Variants in SLC18A1 observed in about 807,000 individuals in gnomAD.
SLC18A1 encodes chromaffin granule amine transporter.
Under a neutral mutation model 53.7 loss-of-function variants are expected in SLC18A1, and 69 were observed. The ratio of observed to expected loss-of-function variants is 1.28; its 90% confidence interval spans 1.06 to 1.57. SLC18A1 has a LOEUF of 1.57. Among genes scored for constraint, SLC18A1 ranks in the 40% most tolerant of loss-of-function variants. The probability of loss-of-function intolerance (pLI) is 0.00; values close to 1 mark genes in which losing one functional copy is unlikely to be tolerated. For missense variants in SLC18A1, 932 were observed against 668.1 expected (o/e 1.40, Z -4.35); for synonymous variants, 320 against 248.1 (o/e 1.29, Z -2.72).
intron 10 of SLC18A1, among the ~76,000 whole-genome samples, chr8:20,155,555 A>T (rs576171280): frequency 1.3e-5 from 2 of 152,312 alleles, no homozygotes; most frequent in Non-Finnish European, 2.9e-5. Context: ...ATCATGATGC[A>T]ACCAGAAGTC....
At position 20,164,929 on chromosome 8, in the gene SLC18A1, G is replaced by A. The variant is rs776177783; in HGVS notation, c.955C>T (p.Leu319=). 7 of 1,613,976 alleles carry A rather than the reference G, an allele frequency of 4.3e-6. No homozygotes were observed. Among genetic ancestry groups the A allele is most frequent in the Non-Finnish European group, 5.9e-6 (7 of 1,179,872 alleles). ...ATCCAGATGGGCAGTGTGGGCTCCA[G>A]GATGGCCACCCCCATGTTGGCAAAG... ...ICFANMGVAI[L]EPTLPIWMMQ... Residue 319 remains leucine, a synonymous_variant, in exon 10 of 16, where the codon CTG becomes TTG. Coordinates refer to ENST00000276373, the MANE Select transcript of SLC18A1 (RefSeq NM_003053.4).
intron 4 of SLC18A1, among the ~76,000 whole-genome samples, chr8:20,174,646 G>A (rs147776838): frequency 3.8e-4 from 58 of 152,276 alleles, no homozygotes; most frequent in African/African-American, 1.3e-3. Flanking sequence ...CAAGAAAACT[G>A]AGAAACCACA....
At chr8:20,154,259 A>T (rs1020438346) in intron 10 of SLC18A1, among the ~76,000 whole-genome samples, 1 of 152,234 alleles carries the variant, frequency 6.6e-6, no homozygotes, top group Non-Finnish European at 1.5e-5. Context: ...AGAAGGAGGA[A>T]AGGATCATTG....
chr8:20,147,224 G>A (rs1434624487), intron 15 of SLC18A1, 34 bp downstream of exon 15: 1 of 1,566,088 alleles, frequency 6.4e-7, no homozygotes, highest in Non-Finnish European at 8.6e-7. Flanking sequence ...AGAAACAGAA[G>A]TGAATTTCTC....
chr8:20,166,417 C>A (rs542390454), intron 8 of SLC18A1, among the ~76,000 whole-genome samples: 1 of 145,708 alleles, frequency 6.9e-6, no homozygotes, highest in Non-Finnish European at 1.5e-5. Context: ...AAAAGGAGAA[C>A]GCAAAAAAAA....
intron 6 of SLC18A1, among the ~76,000 whole-genome samples, chr8:20,172,195 G>C (rs2072140059): frequency 6.6e-6 from 1 of 152,190 alleles, no homozygotes; most frequent in Non-Finnish European, 1.5e-5. Context: ...TGGCTGTTGA[G>C]GATCTAACAA....
intron 8 of SLC18A1, among the ~76,000 whole-genome samples, chr8:20,169,994 A>G (rs889196737): frequency 6.6e-6 from 1 of 152,182 alleles, no homozygotes; most frequent in Admixed American, 6.5e-5. Context: ...AACCACCTGG[A>G]TGAGTGTCCC....
Position 20,171,511 on chromosome 8 carries a change from GAC to G in SLC18A1, c.725-19_725-18del. 6.3e-7 allele frequency: 1 copy of G among 1,595,122 alleles called. No homozygotes were observed. The highest frequency in any genetic ancestry group is 8.6e-7 in the Non-Finnish European group (1 of 1,162,838). The stretch of plus-strand genomic sequence containing the variant: ...GAGCTCCCACTGGAGAGGCATAGGA[GAC>G]ACAGATTCCAGAGGTGAGGGTGAGT... On this transcript the variant is annotated intron_variant, in intron 6 of 15. Coordinates refer to ENST00000276373, the MANE Select transcript of SLC18A1 (RefSeq NM_003053.4).
At chr8:20,149,998 A>G (rs1186225006) in intron 11 of SLC18A1, among the ~76,000 whole-genome samples, 2 of 152,046 alleles carry the variant, frequency 1.3e-5, no homozygotes, top group African/African-American at 2.4e-5. Flanking sequence ...GAATCAGCTG[A>G]CTCAGGAGGC....
chr8:20,175,097 A>G (rs2072223502), intron 4 of SLC18A1, among the ~76,000 whole-genome samples: 1 of 152,242 alleles, frequency 6.6e-6, no homozygotes, highest in African/African-American at 2.4e-5. Context: ...CAGTGTGTTG[A>G]AGATGGACAC....
At chr8:20,171,836 C>T (rs2128877618) in intron 6 of SLC18A1, among the ~76,000 whole-genome samples, 1 of 152,248 alleles carries the variant, frequency 6.6e-6, no homozygotes, top group African/African-American at 2.4e-5. Flanking sequence ...TTTCAGGCAG[C>T]CACGAGGGCT....
intron 10 of SLC18A1, among the ~76,000 whole-genome samples, chr8:20,153,035 GAAT>G (rs1241086620): frequency 6.6e-6 from 1 of 152,184 alleles, no homozygotes; most frequent in Non-Finnish European, 1.5e-5. Context: ...CAACCACTGA[GAAT>G]GATGATGGTG....
intron 10 of SLC18A1, among the ~76,000 whole-genome samples, chr8:20,157,199 A>G (rs2071704867): frequency 6.6e-6 from 1 of 152,034 alleles, no homozygotes; most frequent in Non-Finnish European, 1.5e-5. Context: ...CTTTTTTCAG[A>G]TGGGAAACGT....
intron 4 of SLC18A1, among the ~76,000 whole-genome samples, chr8:20,177,721 G>C (rs1426243775): frequency 6.6e-6 from 1 of 152,190 alleles, no homozygotes; most frequent in African/African-American, 2.4e-5. Flanking sequence ...GGGCCATCGG[G>C]AACCAAGGCT....
Position 20,145,792 on chromosome 8 carries a change from T to C in SLC18A1, c.1549A>G (p.Ser517Gly), listed in dbSNP as rs1188042957. Residue 517 changes from serine (S) to glycine (G), a missense_variant, in exon 16 of 16, where the codon AGT becomes GGT. By Grantham distance (56) the Ser-to-Gly change is moderately conservative (BLOSUM62 0). Coordinates refer to ENST00000276373, the MANE Select transcript of SLC18A1 (RefSeq NM_003053.4). ...PTKEFPLGED[S>G]DEEPDHEE is the part of the protein sequence containing the mutation. Reference sequence around the variant, plus strand: ...TCCTCATGGTCAGGCTCCTCATCACTGTCCTCCCCCAGAGGAAATTCCTTC... The same window carrying C: ...TCCTCATGGTCAGGCTCCTCATCACCGTCCTCCCCCAGAGGAAATTCCTTC... The C allele has an allele frequency of 4.3e-6, 7 of 1,611,636 alleles. No individual in the cohort carries two copies. The highest frequency in any genetic ancestry group is 5.1e-6 in the Non-Finnish European group (6 of 1,178,804).
chr8:20,150,508 C>T (rs1466922071), intron 11 of SLC18A1, among the ~76,000 whole-genome samples, 158 bp downstream of exon 11: 1 of 152,210 alleles, frequency 6.6e-6, no homozygotes, highest in Non-Finnish European at 1.5e-5. Flanking sequence ...ACCCTCACCA[C>T]TCACTCACTG....
At chr8:20,154,737 A>G (rs907205484) in intron 10 of SLC18A1, among the ~76,000 whole-genome samples, 6 of 152,226 alleles carry the variant, frequency 3.9e-5, no homozygotes, top group African/African-American at 1.2e-4. Context: ...CTCTGAGGGC[A>G]ACCCCCTTTG....
At chr8:20,168,384 A>G (rs565843214) in intron 8 of SLC18A1, among the ~76,000 whole-genome samples, 4 of 149,278 alleles carry the variant, frequency 2.7e-5, no homozygotes, top group African/African-American at 9.7e-5. Flanking sequence ...AAATTAAACA[A>G]GTAAATAGAG....
At position 20,164,926 on chromosome 8, in the gene SLC18A1, C is replaced by G. The variant is rs760239736; in HGVS notation, c.958G>C (p.Glu320Gln). 1 of 1,613,920 alleles carries G rather than the reference C, an allele frequency of 6.2e-7. No individual in the cohort carries two copies. The highest frequency in any genetic ancestry group is 8.5e-7 in the Non-Finnish European group (1 of 1,179,860). ...CFANMGVAIL[E>Q]PTLPIWMMQT... ...ATCATCCAGATGGGCAGTGTGGGCT[C>G]CAGGATGGCCACCCCCATGTTGGCA... is the stretch of plus-strand genomic sequence containing the variant. Residue 320 changes from glutamate to glutamine, a missense_variant, in exon 10 of 16, where the codon GAG becomes CAG. Glu to Gln is a conservative substitution (Grantham distance 29). Transcript: ENST00000276373.
Sources: gnomAD v4.1 joint callset for allele counts (sites outside exome capture counted in the v4.1 genomes callset) on GRCh38, gnomAD v4.1.1 for gene constraint, MANE v1.5 for transcripts, NCBI Gene and HGNC (gene_info 2026-07-23, HGNC 2026-07-21) for gene names.